Variants in MEMO1 observed in about 807,000 individuals in gnomAD.
MEMO1 encodes protein MEMO1.
MEMO1 carries 6 observed loss-of-function variants against 45.2 expected under a neutral mutation model. The observed-to-expected ratio is 0.13, with a 90% CI of 0.07 to 0.26. The LOEUF is 0.26. Ranked by LOEUF, MEMO1 falls within the 10% of genes least tolerant of loss-of-function variation. The pLI is 1.00. For missense variants in MEMO1, 184 were observed against 370.5 expected (o/e 0.50, Z 4.13); for synonymous variants, 78 against 124.3 (o/e 0.63, Z 2.48).
intron 8 of MEMO1, among the ~76,000 whole-genome samples, chr2:31,871,822 T>C (rs1673796968): frequency 6.6e-6 from 1 of 152,112 alleles, no homozygotes; most frequent in Non-Finnish European, 1.5e-5. Context: ...GAGACCAGCC[T>C]GGCCAACATG....
chr2:31,902,268 T>C (rs1294640594), intron 6 of MEMO1, among the ~76,000 whole-genome samples: 1 of 151,924 alleles, frequency 6.6e-6, no homozygotes, highest in African/African-American at 2.4e-5. Context: ...AATAGTGATG[T>C]GCACCTGTAA....
At chr2:31,956,188 TAGTC>T (rs1488169308) in intron 2 of MEMO1, among the ~76,000 whole-genome samples, 1 of 152,160 alleles carries the variant, frequency 6.6e-6, no homozygotes, top group Non-Finnish European at 1.5e-5. Context: ...AGTTTACAAT[TAGTC>T]AGTAGTAGTA....
At chr2:32,008,870 T>C (rs1409220832) in intron 2 of MEMO1, among the ~76,000 whole-genome samples, 2 of 152,206 alleles carry the variant, frequency 1.3e-5, no homozygotes, top group African/African-American at 4.8e-5. Context: ...TTTAATGAGC[T>C]AGTTTAGCAA....
intron 6 of MEMO1, among the ~76,000 whole-genome samples, chr2:31,915,070 T>C (rs373252041): frequency 1.3e-5 from 2 of 151,666 alleles, no homozygotes; most frequent in South Asian, 4.2e-4. Context: ...AGGCAGAGGC[T>C]ACAGTGAGCC....
chr2:31,923,511 G>A (rs1229465744), intron 4 of MEMO1: 21 of 1,049,172 alleles, frequency 2.0e-5, no homozygotes, highest in Non-Finnish European at 2.7e-5. Context: ...TAGCACTCTG[G>A]TCACCTATCT....
chr2:31,930,848 G>A (rs1036632748), intron 4 of MEMO1, among the ~76,000 whole-genome samples: 3 of 137,094 alleles, frequency 2.2e-5, no homozygotes, highest in Admixed American at 2.1e-4. Context: ...TAGTAGAGAC[G>A]GGGTTTCACC....
intron 4 of MEMO1, among the ~76,000 whole-genome samples, chr2:31,926,377 A>C (rs370154633): frequency 3.6e-4 from 1 of 2,746 alleles, no homozygotes; most frequent in Non-Finnish European, 1.1e-3. Flanking sequence ...CTCAAAAGGG[A>C]AAAAAAAAAA....
intron 4 of MEMO1, among the ~76,000 whole-genome samples, chr2:31,925,362 G>A (rs1682925303): frequency 1.3e-5 from 2 of 151,382 alleles, no homozygotes; most frequent in South Asian, 2.1e-4. Flanking sequence ...TGTAATCCCA[G>A]CTACTCAGGA....
intron 2 of MEMO1, among the ~76,000 whole-genome samples, chr2:31,983,497 C>T (rs1670905654): frequency 6.6e-6 from 1 of 152,050 alleles, no homozygotes; most frequent in South Asian, 2.1e-4. Context: ...GAGGGTGGCA[C>T]AATCTCGGCT....
At chr2:31,964,101 T>C (rs763189224) in intron 2 of MEMO1, among the ~76,000 whole-genome samples, 12 of 152,170 alleles carry the variant, frequency 7.9e-5, no homozygotes, top group Non-Finnish European at 1.6e-4. Flanking sequence ...TTACGTTATA[T>C]TAGACAGGAA....
chr2:31,978,258 G>T (rs1670235081), intron 2 of MEMO1, among the ~76,000 whole-genome samples: 1 of 151,870 alleles, frequency 6.6e-6, no homozygotes, highest in Non-Finnish European at 1.5e-5. Context: ...GTGGTGGTGG[G>T]CACCTGTAAT....
intron 2 of MEMO1, among the ~76,000 whole-genome samples, chr2:32,001,032 A>AT (rs66617379): frequency 0.25 from 25,756 of 104,552 alleles, 3,864 homozygotes; most frequent in South Asian, 0.45. Flanking sequence ...ATAAATTTTG[A>AT]TTTTTTTTTT....
chr2:31,923,497 AAGAT>A, intron 4 of MEMO1: 2 of 922,954 alleles, frequency 2.2e-6, no homozygotes, highest in Non-Finnish European at 2.9e-6. Flanking sequence ...GAAAAACTAA[AAGAT>A]AGCACTCTGG....
intron 8 of MEMO1, among the ~76,000 whole-genome samples, chr2:31,879,481 C>G (rs555043366): frequency 1.3e-5 from 2 of 152,262 alleles, no homozygotes; most frequent in East Asian, 3.9e-4. Flanking sequence ...TCCTCATACA[C>G]CAATAATTTC....
intron 6 of MEMO1, among the ~76,000 whole-genome samples, chr2:31,913,863 C>T (rs1275719753): frequency 6.6e-6 from 1 of 152,168 alleles, no homozygotes; most frequent in Non-Finnish European, 1.5e-5. Context: ...GTCACTCCTC[C>T]CATCAAAAAT....
intron 6 of MEMO1, among the ~76,000 whole-genome samples, chr2:31,892,484 A>C (rs1553359773): frequency 6.6e-6 from 1 of 152,188 alleles, no homozygotes; most frequent in Non-Finnish European, 1.5e-5. Flanking sequence ...GTACTTATCA[A>C]GGCTACAGTC....
intron 2 of MEMO1, among the ~76,000 whole-genome samples, chr2:31,988,411 G>C (rs900610515): frequency 6.6e-5 from 10 of 152,254 alleles, no homozygotes; most frequent in East Asian, 5.8e-4. Context: ...GCTGGGCGTG[G>C]TGGCACACGC....
In MEMO1 at chr2:31,960,590, T is replaced by C. The variant is rs1192995610; in HGVS notation, c.62-17207A>G. On this transcript the variant is annotated intron_variant, in intron 2 of 9. Transcript: ENST00000404530. The stretch of plus-strand genomic sequence containing the variant: ...CTTCAATATGAAAAGTAAAATCTTC[T>C]CTATTTATTTATTTATTTAGAGTCT... 3.3e-5 allele frequency among the ~76,000 whole-genome samples: 5 copies of C among 152,134 alleles called. No homozygotes were observed. In the East Asian group the frequency reaches 9.6e-4, roughly 29 times the overall value.
intron 2 of MEMO1, among the ~76,000 whole-genome samples, chr2:31,954,135 A>G (rs993088194): frequency 2.6e-5 from 4 of 152,354 alleles, no homozygotes; most frequent in Admixed American, 1.3e-4. Context: ...ACTAGTATCT[A>G]TCTGTCTTCA....
Sources: allele counts gnomAD v4.1 joint callset (sites outside exome capture counted in the v4.1 genomes callset), GRCh38; gene constraint gnomAD v4.1.1; transcripts MANE v1.5; gene names NCBI Gene and HGNC (gene_info 2026-07-23, HGNC 2026-07-21).